Variants in UMAD1 observed in about 807,000 individuals in gnomAD.
UMAD1 encodes UBAP1-MVB12-associated (UMA) domain containing 1, also known as UBAP1-MVB12-associated (UMA)-domain containing protein 1.
A neutral mutation model predicts 6.1 loss-of-function variants in UMAD1; 8 were observed. The observed-to-expected ratio is 1.30, with a 90% CI of 0.76 to 2.35. UMAD1 has a LOEUF of 2.35. UMAD1 is among the 30% of genes most tolerant of loss of function. UMAD1 has a pLI of 0.00. For synonymous variants in UMAD1, 56 were observed against 31.4 expected (o/e 1.78, Z -2.61); for missense variants, 130 against 78.4 (o/e 1.66, Z -2.49).
rs545151343 is a variant in UMAD1 at position 7,718,456 on chromosome 7, C to T, written c.82+45003C>T. 4 of 152,070 alleles carry T rather than the reference C, an allele frequency of 2.6e-5. No individual in the cohort carries two copies. The South Asian group carries it at 8.3e-4, about 32-fold the overall frequency. 9.4% of individuals were successfully genotyped at this position (152,070 alleles called of 1,614,324 possible). ...GACTATGTGTGTCTTCAAAATAATACCTTTAAGTTATTTTGAAGGAAAAAA... is the reference window on the plus strand; with the variant it reads ...GACTATGTGTGTCTTCAAAATAATATCTTTAAGTTATTTTGAAGGAAAAAA... On this transcript the variant is annotated intron_variant, in intron 2 of 3. Transcript: ENST00000682710.
chr7:7,779,627 T>C (rs780692788), intron 2 of UMAD1, among the ~76,000 whole-genome samples: 1 of 152,062 alleles, frequency 6.6e-6, no homozygotes, highest in Non-Finnish European at 1.5e-5. Context: ...TTTCTTTTCC[T>C]TTATTTCCTT....
At position 7,649,035 on chromosome 7, in the gene UMAD1, G is replaced by A. The variant is rs1439875601; in HGVS notation, c.-64+8214G>A. On this transcript the variant is annotated intron_variant, in intron 1 of 3. Coordinates refer to ENST00000682710, the MANE Select transcript of UMAD1 (RefSeq NM_001302348.2). ...TAGCCAGGCATGGTGGCGGATGCCTGTAATCCCAGCTACTCAGGAGGCTGA... is the reference window on the plus strand; with the variant it reads ...TAGCCAGGCATGGTGGCGGATGCCTATAATCCCAGCTACTCAGGAGGCTGA... Among the ~76,000 whole-genome samples, 3 of 151,790 alleles carry A rather than the reference G, an allele frequency of 2.0e-5. No homozygotes were observed. The East Asian group carries it at 5.8e-4, about 29-fold the overall frequency.
chr7:7,823,065 A>G lies in UMAD1; in HGVS notation c.156+21322A>G, dbSNP rs555400609. On this transcript the variant is annotated intron_variant, in intron 3 of 3. Coordinates refer to ENST00000682710, the MANE Select transcript of UMAD1 (RefSeq NM_001302348.2). ...ATTGATTAGGAGTGCTCCTCCCTTGATGTTTTATACAGAGCACAGTACTTA... is the reference window on the plus strand; with the variant it reads ...ATTGATTAGGAGTGCTCCTCCCTTGGTGTTTTATACAGAGCACAGTACTTA... Among the ~76,000 whole-genome samples, 11 of 151,996 alleles carry G rather than the reference A, an allele frequency of 7.2e-5. 1 individual carries two copies. Among genetic ancestry groups the G allele is most frequent in the African/African-American group, 2.4e-4 (10 of 41,384 alleles).
chr7:7,816,161 G>A (rs1216586305), intron 3 of UMAD1, among the ~76,000 whole-genome samples: 1 of 145,682 alleles, frequency 6.9e-6, no homozygotes, highest in African/African-American at 2.6e-5. Context: ...GGAAACCAAG[G>A]CTCAACAATA....
intron 2 of UMAD1, among the ~76,000 whole-genome samples, chr7:7,794,206 C>G (rs144771148): frequency 1.3e-5 from 2 of 152,296 alleles, no homozygotes; most frequent in East Asian, 1.9e-4. Context: ...TGCATGCAGA[C>G]AGGCTCCAAC....
At chr7:7,822,897 T>C (rs1186366038) in intron 3 of UMAD1, among the ~76,000 whole-genome samples, 1 of 152,110 alleles carries the variant, frequency 6.6e-6, no homozygotes, top group East Asian at 1.9e-4. Flanking sequence ...TTTTTTTAGG[T>C]GACATGTGTT....
chr7:7,813,104 A>G (rs1268112165), intron 3 of UMAD1, among the ~76,000 whole-genome samples: 3 of 152,248 alleles, frequency 2.0e-5, no homozygotes, highest in African/African-American at 7.2e-5. Context: ...GTGCACCAGC[A>G]TGAATACATA....
intron 2 of UMAD1, among the ~76,000 whole-genome samples, chr7:7,686,426 T>G (rs1780042802): frequency 6.6e-6 from 1 of 152,204 alleles, no homozygotes; most frequent in Non-Finnish European, 1.5e-5. Context: ...TTTGTATTTT[T>G]TATCAGAAAT....
chr7:7,694,620 A>T (rs1234951948), intron 2 of UMAD1, among the ~76,000 whole-genome samples: 1 of 152,136 alleles, frequency 6.6e-6, no homozygotes, highest in Non-Finnish European at 1.5e-5. Flanking sequence ...GTTCCCACAA[A>T]TGAGTGAGAA....
chr7:7,772,384 A>G (rs1432672835), intron 2 of UMAD1: 1 of 152,206 alleles, frequency 6.6e-6, no homozygotes, highest in Non-Finnish European at 1.5e-5. Context: ...AGTCACAGGC[A>G]GTTTAAGCTG....
At chr7:7,740,936 G>T (rs1388014872) in intron 2 of UMAD1, 1 of 152,192 alleles carries the variant, frequency 6.6e-6, no homozygotes, top group Non-Finnish European at 1.5e-5. Context: ...AGGATGTATT[G>T]TGAGAATTCA....
At chr7:7,797,704 T>C (rs80267601) in intron 2 of UMAD1, among the ~76,000 whole-genome samples, 1 of 152,054 alleles carries the variant, frequency 6.6e-6, no homozygotes, top group Non-Finnish European at 1.5e-5. Context: ...TTTTTTTTTT[T>C]TTGAGACGAG....
chr7:7,704,749 A>T (rs1203003629), intron 2 of UMAD1, among the ~76,000 whole-genome samples: 1 of 131,876 alleles, frequency 7.6e-6, no homozygotes, highest in Non-Finnish European at 1.6e-5. Flanking sequence ...CCTGGGTGAC[A>T]GAGCGAGACT....
intron 3 of UMAD1, 66 bp downstream of exon 3, chr7:7,801,809 C>T (rs1283630976): frequency 3.0e-5 from 21 of 705,786 alleles, no homozygotes; most frequent in African/African-American, 5.3e-5. Context: ...CTTATGCCTC[C>T]GAGGATAAAT....
chr7:7,813,887 G>A (rs1178585738), intron 3 of UMAD1, among the ~76,000 whole-genome samples: 2 of 152,202 alleles, frequency 1.3e-5, no homozygotes, highest in East Asian at 3.8e-4. Flanking sequence ...GGAATTTACT[G>A]ATATTTATTA....
At chr7:7,756,549 G>A (rs1037384131) in intron 2 of UMAD1, among the ~76,000 whole-genome samples, 1 of 152,110 alleles carries the variant, frequency 6.6e-6, no homozygotes, top group African/African-American at 2.4e-5. Context: ...CCTTTCTGGT[G>A]GCAAGATGGC....
chr7:7,815,326 T>C (rs1783105602), intron 3 of UMAD1, among the ~76,000 whole-genome samples: 1 of 152,196 alleles, frequency 6.6e-6, no homozygotes, highest in South Asian at 2.1e-4. Flanking sequence ...TGATGTATAC[T>C]AGATACTCAG....
rs1324036860 is a variant in UMAD1, at chr7:7,683,056, T to A, written c.82+9603T>A. ...CACCACCCTTCCTTAACTCCTTGAA[T>A]GTACAGTGAAAGGCAATTGCATGAA... On this transcript the variant is annotated intron_variant, in intron 2 of 3. Transcript: ENST00000682710. 2.6e-5 allele frequency among the ~76,000 whole-genome samples: 4 copies of A among 152,332 alleles called. No individual in the cohort carries two copies. The East Asian group carries it at 7.7e-4, about 29-fold the overall frequency.
chr7:7,805,845 TC>T (rs1213809244), intron 3 of UMAD1, among the ~76,000 whole-genome samples: 1 of 152,196 alleles, frequency 6.6e-6, no homozygotes, highest in East Asian at 1.9e-4. Flanking sequence ...CTTCCCCCAG[TC>T]ACTGTCACAT....
Sources: gnomAD v4.1 joint callset for allele counts (sites outside exome capture counted in the v4.1 genomes callset) on GRCh38, gnomAD v4.1.1 for gene constraint, MANE v1.5 for transcripts, NCBI Gene and HGNC (gene_info 2026-07-23, HGNC 2026-07-21) for gene names.